Variants in CDH8 observed in about 807,000 individuals in gnomAD.
CDH8 encodes cadherin-8.
A neutral mutation model predicts 68.1 loss-of-function variants in CDH8; 17 were observed. The ratio of observed to expected loss-of-function variants is 0.25; its 90% CI spans 0.17 to 0.37. The LOEUF (loss-of-function observed/expected upper bound fraction) is 0.37, where lower values mean the gene tolerates loss of function less well. Ranked by LOEUF, CDH8 falls within the 10% of genes least tolerant of loss-of-function variation. The pLI, the probability that CDH8 is intolerant of heterozygous loss-of-function variation, is 1.00. For synonymous variants in CDH8, 372 were observed against 365.1 expected (o/e 1.02, Z -0.21); for missense variants, 763 against 999.3 (o/e 0.76, Z 3.19).
intron 2 of CDH8, among the ~76,000 whole-genome samples, chr16:61,906,923 G>T (rs1013322155): frequency 6.6e-6 from 1 of 152,220 alleles, no homozygotes; most frequent in African/African-American, 2.4e-5. Context: ...AGAAAAGATG[G>T]GTAGGTGATA....
chr16:61,761,722 G>C (rs1255169627), intron 8 of CDH8, among the ~76,000 whole-genome samples: 2 of 152,228 alleles, frequency 1.3e-5, no homozygotes, highest in East Asian at 3.9e-4. Flanking sequence ...GCAAAATTAG[G>C]CCAGGTGCAG....
chr16:61,704,488 A>G (rs1005432766), intron 10 of CDH8, among the ~76,000 whole-genome samples: 1 of 152,222 alleles, frequency 6.6e-6, no homozygotes, highest in Admixed American at 6.5e-5. Context: ...AATATGGAAG[A>G]TATTTTATAC....
intron 10 of CDH8, among the ~76,000 whole-genome samples, chr16:61,664,372 G>A (rs78096526): frequency 0.033 from 5,047 of 151,884 alleles, 287 homozygotes; most frequent in African/African-American, 0.12. Flanking sequence ...AGAAACTTCC[G>A]AGTAACAAAT....
rs1167648893 is a variant in CDH8 at position 61,732,223 on chromosome 16, A to G, written c.1415-5008T>C. The stretch of plus-strand genomic sequence containing the variant: ...CAAATAATTCCTGTAAACTTCCCAA[A>G]TTTATTGAGAAACACTAGCCTGTAT... On this transcript the variant is annotated intron_variant, in intron 8 of 11. Coordinates refer to ENST00000577390, the MANE Select transcript of CDH8 (RefSeq NM_001796.5). 5.3e-5 allele frequency among the ~76,000 whole-genome samples: 8 copies of G among 151,964 alleles called. No homozygotes were observed. The East Asian group carries it at 1.6e-3, about 29-fold the overall frequency.
chr16:62,020,181 G>A (rs575664369), intron 2 of CDH8, among the ~76,000 whole-genome samples: 1 of 152,290 alleles, frequency 6.6e-6, no homozygotes, highest in Admixed American at 6.5e-5. Context: ...TTGAAGATCA[G>A]CATTTAATTC....
At chr16:61,764,566 A>C (rs1404453550) in intron 8 of CDH8, among the ~76,000 whole-genome samples, 2 of 152,108 alleles carry the variant, frequency 1.3e-5, no homozygotes, top group African/African-American at 4.8e-5. Flanking sequence ...AGTTCATCTC[A>C]ATGCTCAAGT....
At chr16:61,942,761 A>T (rs75779322) in intron 2 of CDH8, among the ~76,000 whole-genome samples, 42 of 152,264 alleles carry the variant, frequency 2.8e-4, no homozygotes, top group African/African-American at 9.6e-4. Context: ...CTAGTCATGC[A>T]CAGGGTAGCT....
intron 7 of CDH8, among the ~76,000 whole-genome samples, chr16:61,798,322 T>G (rs1345465775): frequency 3.9e-5 from 6 of 152,148 alleles, no homozygotes; most frequent in Non-Finnish European, 8.8e-5. Flanking sequence ...CTTGTATGTG[T>G]GCATAATATT....
intron 2 of CDH8, among the ~76,000 whole-genome samples, chr16:61,987,357 A>C (rs960225815): frequency 2.0e-5 from 3 of 152,052 alleles, no homozygotes; most frequent in Non-Finnish European, 4.4e-5. Flanking sequence ...TACAAAAAAA[A>C]TTAGCTGGGC....
intron 8 of CDH8, among the ~76,000 whole-genome samples, chr16:61,784,577 C>G (rs1296188234): frequency 7.2e-6 from 1 of 138,610 alleles, no homozygotes; most frequent in African/African-American, 2.7e-5. Context: ...CAGCTCTGCA[C>G]CAAGCAGACC....
intron 2 of CDH8, among the ~76,000 whole-genome samples, chr16:62,006,455 C>A (rs1965977068): frequency 6.6e-6 from 1 of 152,142 alleles, no homozygotes; most frequent in Non-Finnish European, 1.5e-5. Flanking sequence ...TTCTCTGAAC[C>A]TATTTCTTTA....
At chr16:61,895,912 T>C (rs1302632368) in intron 3 of CDH8, among the ~76,000 whole-genome samples, 3 of 151,724 alleles carry the variant, frequency 2.0e-5, no homozygotes, top group South Asian at 2.1e-4. Context: ...ACTATAGAGA[T>C]AGAGAAAGTC....
At chr16:62,005,351 G>C (rs1286053484) in intron 2 of CDH8, among the ~76,000 whole-genome samples, 6 of 152,148 alleles carry the variant, frequency 3.9e-5, no homozygotes, top group African/African-American at 1.4e-4. Context: ...TCACAATGTG[G>C]GGTGCTAGGC....
intron 7 of CDH8, among the ~76,000 whole-genome samples, chr16:61,800,128 G>C (rs1961587611): frequency 6.6e-6 from 1 of 152,126 alleles, no homozygotes; most frequent in Non-Finnish European, 1.5e-5. Flanking sequence ...TAGGCTGGTG[G>C]TCTCTCAACC....
At chr16:61,872,280 C>A (rs916012163) in intron 3 of CDH8, among the ~76,000 whole-genome samples, 2 of 152,122 alleles carry the variant, frequency 1.3e-5, no homozygotes, top group African/African-American at 4.8e-5. Context: ...AGGTCCCAAC[C>A]ATGACACAGC....
intron 2 of CDH8, among the ~76,000 whole-genome samples, chr16:61,917,395 G>C (rs1266252303): frequency 6.6e-6 from 1 of 152,158 alleles, no homozygotes; most frequent in African/African-American, 2.4e-5. Flanking sequence ...CCTGGGCTCT[G>C]TTCCTGTCCC....
intron 2 of CDH8, among the ~76,000 whole-genome samples, chr16:62,001,354 T>G (rs1965891936): frequency 6.6e-6 from 1 of 152,026 alleles, no homozygotes; most frequent in Non-Finnish European, 1.5e-5. Flanking sequence ...ATATTAGGAG[T>G]CCTAAGAATA....
At chr16:61,690,584 A>G (rs912195631) in intron 10 of CDH8, among the ~76,000 whole-genome samples, 1 of 152,044 alleles carries the variant, frequency 6.6e-6, no homozygotes, top group Non-Finnish European at 1.5e-5. Flanking sequence ...ATACCTTTAT[A>G]TTATAGTAGC....
intron 2 of CDH8, among the ~76,000 whole-genome samples, chr16:61,987,656 A>G (rs1965650777): frequency 6.6e-6 from 1 of 152,146 alleles, no homozygotes; most frequent in Admixed American, 6.5e-5. Context: ...GACTGATTTC[A>G]TAGTCTCATA....
Sources: allele counts gnomAD v4.1 joint callset (sites outside exome capture counted in the v4.1 genomes callset), GRCh38; gene constraint gnomAD v4.1.1; transcripts MANE v1.5; gene names NCBI Gene and HGNC (gene_info 2026-07-23, HGNC 2026-07-21).